Variants in USP34 observed in about 807,000 individuals in gnomAD.
USP34 encodes the protein ubiquitin carboxyl-terminal hydrolase 34.
In USP34, 70 loss-of-function variants were observed where a neutral mutation model predicts 460.3. That is an observed-to-expected ratio of 0.15 (90% CI 0.13 to 0.19). USP34 has a LOEUF of 0.19. Ranked by LOEUF, USP34 falls within the 10% of genes least tolerant of loss-of-function variation. USP34 has a pLI of 1.00. For synonymous variants in USP34, 1,647 were observed against 1,405.3 expected (o/e 1.17, Z -3.85); for missense variants, 3,985 against 4,236.2 (o/e 0.94, Z 1.65).
At position 61,214,041 on chromosome 2, in the gene USP34, G is replaced by C; in HGVS notation, c.8682+19C>G. 2 of 1,613,220 alleles carry C rather than the reference G, an allele frequency of 1.2e-6. No homozygotes were observed. The highest frequency in any genetic ancestry group is 1.7e-6 in the Non-Finnish European group (2 of 1,179,558). ...AATCTATTTGAGGATACAGATAAAAGAGTATCAATTTTACTCACTCCAGGG... is the reference window on the plus strand; with the variant it reads ...AATCTATTTGAGGATACAGATAAAACAGTATCAATTTTACTCACTCCAGGG... On this transcript the variant is annotated intron_variant, in intron 68 of 79. Coordinates refer to ENST00000398571, the MANE Select transcript of USP34 (RefSeq NM_014709.4).
intron 62 of USP34, among the ~76,000 whole-genome samples, chr2:61,224,844 T>TA (rs908416250): frequency 2.0e-5 from 3 of 151,130 alleles, no homozygotes; most frequent in Non-Finnish European, 4.5e-5. Context: ...GAAACCTCCG[T>TA]AAGTTGGCTC....
chr2:61,368,156 G>A (rs2694639), intron 10 of USP34, among the ~76,000 whole-genome samples: 50,859 of 152,012 alleles, frequency 0.33, 8,617 homozygotes, highest in Non-Finnish European at 0.38. Context: ...ACGTCAGGCC[G>A]GGCCCATTGG....
chr2:61,395,155 T>C (rs1693478718), intron 4 of USP34, 28 bp downstream of exon 4: 1 of 1,485,228 alleles, frequency 6.7e-7, no homozygotes, highest in Non-Finnish European at 9.1e-7. Context: ...AAATTTTCCA[T>C]AAAAGAATAA....
chr2:61,354,028 T>C (rs1572961879), intron 10 of USP34, among the ~76,000 whole-genome samples: 1 of 152,078 alleles, frequency 6.6e-6, no homozygotes, highest in African/African-American at 2.4e-5. Flanking sequence ...TGGGATACCA[T>C]GAAGCAGAGC....
rs1307922505 is a variant in USP34 at position 61,229,613 on chromosome 2, G to T, written c.7134C>A (p.Ile2378=). ...IVRQMFQRLC[I]HVIQRLRPVH... Reference sequence around the variant, plus strand: ...CAGGTCTCAGCCTCTGAATCACATGGATACACAAACGCTGAAACATCTGTG... The same window carrying T: ...CAGGTCTCAGCCTCTGAATCACATGTATACACAAACGCTGAAACATCTGTG... Residue 2378 remains isoleucine (I), a synonymous_variant, in exon 59 of 80, where the codon ATC becomes ATA. Transcript: ENST00000398571. The T allele has an allele frequency of 6.2e-7, 1 of 1,612,230 alleles. No homozygotes were observed. The highest frequency in any genetic ancestry group is 1.7e-5 in the Admixed American group (1 of 59,766).
intron 20 of USP34, among the ~76,000 whole-genome samples, chr2:61,329,831 G>C (rs551477035): frequency 1.3e-5 from 2 of 152,152 alleles, no homozygotes; most frequent in East Asian, 3.9e-4. Context: ...GAATTAGAAG[G>C]GTAAATAATT....
At chr2:61,280,098 G>A in intron 39 of USP34, 146 bp downstream of exon 39, 2 of 452,636 alleles carry the variant, frequency 4.4e-6, no homozygotes, top group Non-Finnish European at 7.6e-6. Context: ...AGGTGGAAAA[G>A]CACAAATATA....
At chr2:61,318,429 T>C (rs1690817602) in intron 22 of USP34, among the ~76,000 whole-genome samples, 1 of 152,140 alleles carries the variant, frequency 6.6e-6, no homozygotes, top group Non-Finnish European at 1.5e-5. Flanking sequence ...ATGGCAAAAG[T>C]TATATTTGTA....
intron 69 of USP34, 52 bp from the exon 70 acceptor site, chr2:61,209,029 C>G: frequency 8.9e-7 from 1 of 1,121,818 alleles, no homozygotes; most frequent in Non-Finnish European, 1.2e-6. Context: ...GAACACAACA[C>G]TTAGGTGATG....
intron 13 of USP34, 146 bp downstream of exon 13, chr2:61,349,104 T>C: frequency 9.4e-7 from 1 of 1,059,564 alleles, no homozygotes; most frequent in South Asian, 1.9e-5. Flanking sequence ...GAAAAATGGG[T>C]AACACGAATA....
chr2:61,359,273 A>C (rs941442685), intron 10 of USP34, among the ~76,000 whole-genome samples: 2 of 152,240 alleles, frequency 1.3e-5, no homozygotes, highest in African/African-American at 4.8e-5. Flanking sequence ...TGCAGATCCC[A>C]AAAATAAACC....
At chr2:61,211,710 T>A (rs986518586) in intron 69 of USP34, 62 bp downstream of exon 69, 1 of 1,441,200 alleles carries the variant, frequency 6.9e-7, no homozygotes, top group South Asian at 1.5e-5. Context: ...TCTTTAAACA[T>A]CAAAAGGATG....
chr2:61,413,929 C>CAAAAAAATT (rs1236462614), intron 2 of USP34, among the ~76,000 whole-genome samples: 7 of 143,302 alleles, frequency 4.9e-5, no homozygotes, highest in Admixed American at 2.2e-4. Context: ...GACTCAGTCT[C>CAAAAAAATT]AAAAAAATTA....
intron 23 of USP34, among the ~76,000 whole-genome samples, chr2:61,316,423 A>G (rs1690749760): frequency 1.3e-5 from 2 of 151,608 alleles, no homozygotes; most frequent in Middle Eastern, 6.8e-3. Flanking sequence ...CAACTCTACT[A>G]AAAATACAAA....
chr2:61,204,726 T>C, intron 72 of USP34, 125 bp from the exon 73 acceptor site: 4 of 705,032 alleles, frequency 5.7e-6, no homozygotes, highest in Non-Finnish European at 9.6e-6. Flanking sequence ...ACTAAGCTCC[T>C]GACACGAGTA....
intron 1 of USP34, among the ~76,000 whole-genome samples, chr2:61,458,417 C>T (rs558768649): frequency 1.1e-3 from 163 of 151,410 alleles, no homozygotes; most frequent in Non-Finnish European, 1.9e-3. Flanking sequence ...AAAAATTAGC[C>T]GGGCGTGGTG....
At chr2:61,462,934 G>C (rs1341220946) in intron 1 of USP34, among the ~76,000 whole-genome samples, 4 of 150,750 alleles carry the variant, frequency 2.7e-5, no homozygotes, top group Non-Finnish European at 5.9e-5. Flanking sequence ...AGGAGGGTGA[G>C]ACAGGAAAAT....
At chr2:61,381,368 T>C (rs2103865198) in intron 6 of USP34, among the ~76,000 whole-genome samples, 1 of 152,286 alleles carries the variant, frequency 6.6e-6, no homozygotes, top group Non-Finnish European at 1.5e-5. Flanking sequence ...AAACAAAGTC[T>C]TGCTTTGTCA....
At chr2:61,192,035 A>T (rs527517436) in intron 76 of USP34, among the ~76,000 whole-genome samples, 1 of 152,334 alleles carries the variant, frequency 6.6e-6, no homozygotes, top group East Asian at 1.9e-4. Context: ...TGTTTTGGAA[A>T]AGTAGAGAAA....
Sources: allele counts gnomAD v4.1 joint callset (sites outside exome capture counted in the v4.1 genomes callset), GRCh38; gene constraint gnomAD v4.1.1; transcripts MANE v1.5; gene names NCBI Gene and HGNC (gene_info 2026-07-23, HGNC 2026-07-21).